NSMAF: variants seen among roughly 807,000 people sequenced by gnomAD.
The protein encoded by NSMAF is protein FAN.
Under a neutral mutation model 134.9 loss-of-function variants are expected in NSMAF, and 90 were observed. The ratio of observed to expected loss-of-function variants is 0.67; its 90% confidence interval spans 0.56 to 0.79. The LOEUF (loss-of-function observed/expected upper bound fraction) is 0.79, where lower values mean the gene tolerates loss of function less well. Ranked by LOEUF, NSMAF falls within the 30% of genes least tolerant of loss-of-function variation. The pLI is 0.00. For synonymous variants in NSMAF, 358 were observed against 389.6 expected, an observed-to-expected ratio of 0.92 and a Z score of 0.96; for missense variants, 1,010 against 1,119.0, an observed-to-expected ratio of 0.90 and a Z score of 1.39.
At chr8:58,605,801 AC>A in intron 12 of NSMAF, 125 bp downstream of exon 12, 1 of 1,047,676 alleles carries the variant, frequency 9.5e-7, no homozygotes, top group South Asian at 2.6e-5. Context: ...AATCACTTGA[AC>A]CCAGGAGGCG....
At chr8:58,614,076 G>A (rs1020622265) in intron 9 of NSMAF, among the ~76,000 whole-genome samples, 2 of 152,148 alleles carry the variant, frequency 1.3e-5, no homozygotes, top group Admixed American at 6.5e-5. Flanking sequence ...GTTTGTGTAA[G>A]TGCACCCTAT....
intron 18 of NSMAF, 86 bp downstream of exon 18, chr8:58,599,664 A>G: frequency 6.9e-7 from 1 of 1,446,604 alleles, no homozygotes; most frequent in Non-Finnish European, 9.4e-7. Flanking sequence ...TGTGATTTTT[A>G]AAAATCTAAG....
intron 1 of NSMAF, among the ~76,000 whole-genome samples, chr8:58,656,820 ACT>A (rs1302833311): frequency 6.6e-6 from 1 of 152,064 alleles, no homozygotes; most frequent in Non-Finnish European, 1.5e-5. Context: ...ACAGAGCGAG[ACT>A]CTGTCTCAAA....
intron 6 of NSMAF, among the ~76,000 whole-genome samples, chr8:58,630,465 C>G (rs1430898164): frequency 6.6e-6 from 1 of 152,122 alleles, no homozygotes; most frequent in Non-Finnish European, 1.5e-5. Context: ...AGCTGGCTCT[C>G]ACGAGAGCCT....
chr8:58,644,090 A>T (rs1430136108), intron 1 of NSMAF, among the ~76,000 whole-genome samples: 2 of 152,226 alleles, frequency 1.3e-5, no homozygotes, highest in East Asian at 3.8e-4. Context: ...GGACCAGGAA[A>T]CATCAATGAG....
chr8:58,587,500 A>G, intron 27 of NSMAF, 118 bp downstream of exon 27: 1 of 700,050 alleles, frequency 1.4e-6, no homozygotes, highest in Non-Finnish European at 2.5e-6. Context: ...GATTTAGCCT[A>G]TAATCTTCCA....
chr8:58,627,752 A>G (rs1006039637), intron 6 of NSMAF, among the ~76,000 whole-genome samples: 3 of 152,210 alleles, frequency 2.0e-5, no homozygotes, highest in Non-Finnish European at 4.4e-5. Context: ...ATGCTCATGG[A>G]TGGGTAGAAT....
chr8:58,586,704 A>G, intron 27 of NSMAF, 96 bp from the exon 28 acceptor site: 1 of 993,916 alleles, frequency 1.0e-6, no homozygotes, highest in South Asian at 1.6e-5. Context: ...ATCATGATAT[A>G]AATTAAACTC....
In NSMAF at chr8:58,603,366, T is replaced by C. The variant is rs1806330893; in HGVS notation, c.889A>G (p.Thr297Ala). 6.2e-7 allele frequency: 1 copy of C among 1,613,792 alleles called. No homozygotes were observed. The highest frequency in any genetic ancestry group is 1.3e-5 in the African/African-American group (1 of 74,922). Residue 297 changes from threonine (T) to alanine (A), a missense_variant, in exon 13 of 31, where the codon ACT (threonine) becomes GCT (alanine). By Grantham distance (58) the Thr-to-Ala change is moderately conservative. Transcript: ENST00000038176. ...TYLEHHVAEH[T>A]AESYMLQWQR... ...CACTGCAGCATGTAGCTCTCAGCAG[T>C]GTGCTCCGCCACATGGTGCTCTGGG...
chr8:58,604,676 A>G (rs1331632656), intron 12 of NSMAF, among the ~76,000 whole-genome samples: 1 of 152,034 alleles, frequency 6.6e-6, no homozygotes, highest in Non-Finnish European at 1.5e-5. Context: ...AATTTCACAA[A>G]TAGTTTTGTG....
rs755112111 is a variant in NSMAF, at chr8:58,603,436, T to C, written c.869-50A>G. 1.2e-5 allele frequency: 19 copies of C among 1,585,528 alleles called. No homozygotes were observed. In the Middle Eastern group the frequency reaches 6.7e-4, roughly 56 times the overall value. On this transcript the variant is annotated intron_variant, in intron 12 of 30. Coordinates refer to ENST00000038176, the MANE Select transcript of NSMAF (RefSeq NM_003580.4). The stretch of plus-strand genomic sequence containing the variant: ...CTGCCACTTAACTTCGCAAACTTAG[T>C]ATGCAAAAGCTAGGGGCTTAACGTG...
At chr8:58,590,155 C>A in intron 24 of NSMAF, 81 bp from the exon 25 acceptor site, 1 of 1,235,804 alleles carries the variant, frequency 8.1e-7, no homozygotes, top group Non-Finnish European at 1.2e-6. Context: ...TATACATTTC[C>A]GAAAAATTAA....
rs1421360915 is a variant in NSMAF at position 58,614,799 on chromosome 8, G to A, written c.558-5066C>T. Among the ~76,000 whole-genome samples, 7 of 152,212 alleles carry A rather than the reference G, an allele frequency of 4.6e-5. No homozygotes were observed. The South Asian group carries it at 1.0e-3, about 23-fold the overall frequency. On this transcript the variant is annotated intron_variant, in intron 9 of 30. Coordinates refer to ENST00000038176, the MANE Select transcript of NSMAF (RefSeq NM_003580.4). ...CCTGAATCCCACAACACATATCCCT[G>A]TCATTAAGTGATGCATGACTATCCT... is the stretch of plus-strand genomic sequence containing the variant.
intron 13 of NSMAF, 92 bp from the exon 14 acceptor site, chr8:58,602,229 A>G: frequency 1.0e-6 from 1 of 997,332 alleles, no homozygotes; most frequent in South Asian, 1.6e-5. Flanking sequence ...CTTCCACAAA[A>G]GTTTTTTTAA....
chr8:58,639,297 AAAGAAG>A (rs57204135), intron 2 of NSMAF, among the ~76,000 whole-genome samples: 51 of 147,396 alleles, frequency 3.5e-4, no homozygotes, highest in Admixed American at 1.0e-3. Context: ...AAAAAAAAAA[AAAGAAG>A]AAGAAGAAGA....
rs1434753669 is a variant in NSMAF, at chr8:58,594,213, T to G, written c.1951+19A>C. Reference sequence around the variant, plus strand: ...TTCTAGGATTTTGGTTAAGCCGCCTTTCGGGGAGGAACACTGACCTTGGGA... The same window carrying G: ...TTCTAGGATTTTGGTTAAGCCGCCTGTCGGGGAGGAACACTGACCTTGGGA... On this transcript the variant is annotated intron_variant, in intron 23 of 30. Coordinates refer to ENST00000038176, the MANE Select transcript of NSMAF (RefSeq NM_003580.4). 2.5e-6 allele frequency: 4 copies of G among 1,613,274 alleles called. No individual in the cohort carries two copies. The South Asian group carries it at 4.4e-5, about 18-fold the overall frequency.
rs142542935 is a variant in NSMAF at position 58,589,537 on chromosome 8, G to C, written c.2126C>G (p.Thr709Arg). The change falls in exon 26 of 31, where the codon ACG becomes AGG. Residue 709 changes from threonine to arginine, a missense_variant. By Grantham distance (71) the Thr-to-Arg change is moderately conservative (BLOSUM62 -1). Transcript: ENST00000038176. Reference protein sequence around the residue: ...YSIAFGRRQDTLMGHDDAVSK... With the variant: ...YSIAFGRRQDRLMGHDDAVSK... ...AACAGCATCATCATGTCCCATTAAC[G>C]TGTCCTGGCGTCTTCCAAATGCTAT... is the stretch of plus-strand genomic sequence containing the variant. The C allele has an allele frequency of 1.3e-6, 2 of 1,571,172 alleles. No homozygotes were observed. The highest frequency in any genetic ancestry group is 1.7e-6 in the Non-Finnish European group (2 of 1,167,028).
chr8:58,597,757 T>C, intron 20 of NSMAF, 103 bp downstream of exon 20: 1 of 994,904 alleles, frequency 1.0e-6, no homozygotes, highest in South Asian at 1.5e-5. Flanking sequence ...ATAGAATTCA[T>C]TTTAAAATTT....
intron 10 of NSMAF, among the ~76,000 whole-genome samples, chr8:58,609,380 C>T (rs1486827174): frequency 6.6e-6 from 1 of 152,182 alleles, no homozygotes; most frequent in Non-Finnish European, 1.5e-5. Context: ...AGAGCAAGTG[C>T]CCCTGACATG....
Sources: gnomAD v4.1 joint callset for allele counts (sites outside exome capture counted in the v4.1 genomes callset) on GRCh38, gnomAD v4.1.1 for gene constraint, MANE v1.5 for transcripts, NCBI Gene and HGNC (gene_info 2026-07-23, HGNC 2026-07-21) for gene names.